ABCB1: variants seen among roughly 807,000 people sequenced by gnomAD.
ABCB1 encodes the protein ATP-dependent translocase ABCB1.
In ABCB1, 69 loss-of-function variants were observed where a neutral mutation model predicts 142.0. That is an observed-to-expected ratio of 0.49 (90% CI 0.40 to 0.59). The LOEUF is 0.59. Among genes scored for constraint, ABCB1 ranks in the 20% least tolerant of loss-of-function variants. The pLI is 0.00. For missense variants in ABCB1, 1,326 were observed against 1,554.7 expected, an observed-to-expected ratio of 0.85 and a Z score of 2.47; for synonymous variants, 532 against 539.2, an observed-to-expected ratio of 0.99 and a Z score of 0.18.
In ABCB1 at chr7:87,550,314, A is replaced by G. The variant is rs761557788; in HGVS notation, c.1225-18T>C. ...TTCAAGATCTACCAGGACGAGTGAGAAAAAAACTTCAAGGCAATTCACAGA... is the reference window on the plus strand; with the variant it reads ...TTCAAGATCTACCAGGACGAGTGAGGAAAAAACTTCAAGGCAATTCACAGA... On this transcript the variant is annotated intron_variant, in intron 11 of 27. Transcript: ENST00000622132. 1.9e-6 allele frequency: 3 copies of G among 1,613,508 alleles called. No homozygotes were observed. In the South Asian group the frequency reaches 3.3e-5, roughly 18 times the overall value.
rs190321239 is a variant in ABCB1 at position 87,605,937 on chromosome 7, G to T, written c.-330-4859C>A. 2.2e-3 allele frequency among the ~76,000 whole-genome samples: 340 copies of T among 151,808 alleles called. 1 individual carries two copies. Among genetic ancestry groups the T allele is most frequent in the Non-Finnish European group, 4.0e-3 (272 of 67,884 alleles). On this transcript the variant is annotated intron_variant, in intron 1 of 28. Coordinates refer to the ABCB1 transcript ENST00000265724. ...GTGATGACTGGAAAGGGCTAGTAAT[G>T]GACATTGAAAATAAATAATAATATG...
rs1014733764 is a variant in ABCB1 at position 87,503,227 on chromosome 7, A to T, written c.*1016T>A. ...TATTTTTAGAAGTTGCTTATTTAAG[A>T]TAGCAATTGTTTATAGTAAATATAG... On this transcript the variant is annotated 3_prime_UTR_variant, in exon 28 of 28. Coordinates refer to ENST00000622132, the MANE Select transcript of ABCB1 (RefSeq NM_001348946.2). Among the ~76,000 whole-genome samples the T allele has an allele frequency of 7.9e-5, 12 of 151,826 alleles. No homozygotes were observed. The highest frequency in any genetic ancestry group is 2.9e-4 in the African/African-American group (12 of 41,446).
At chr7:87,602,507 T>G (rs565853459), upstream of ABCB1, among the ~76,000 whole-genome samples, 1 of 152,206 alleles carries the variant, frequency 6.6e-6, no homozygotes, top group East Asian at 1.9e-4. Context: ...TGATCTCTGT[T>G]TTCACTTTTG....
intron 1 of ABCB1, among the ~76,000 whole-genome samples, chr7:87,660,905 A>G (rs1824636109): frequency 6.6e-6 from 1 of 151,980 alleles, no homozygotes. Context: ...ATTGAGTTAT[A>G]GTCAGAATTT....
chr7:87,705,810 C>T (rs993678561), intron 1 of ABCB1, among the ~76,000 whole-genome samples: 1 of 152,162 alleles, frequency 6.6e-6, no homozygotes, highest in Non-Finnish European at 1.5e-5. Context: ...CTGAAAAAAA[C>T]CACTCCCAAT....
intron 2 of ABCB1, among the ~76,000 whole-genome samples, chr7:87,599,118 A>G (rs1206348347): frequency 6.6e-6 from 1 of 152,162 alleles, no homozygotes; most frequent in Non-Finnish European, 1.5e-5. Context: ...TCTTACACTG[A>G]AAAGCTTGGT....
At position 87,585,615 on chromosome 7, in the gene ABCB1, A is replaced by G. The variant is rs1364263330; in HGVS notation, c.183T>C (p.His61=). Reference sequence around the variant, plus strand: ...GCATCATGAGAGGAAGTCCAGCCCCATGGATGATGGCAGCCAAAGTTCCCA... The same window carrying G: ...GCATCATGAGAGGAAGTCCAGCCCCGTGGATGATGGCAGCCAAAGTTCCCA... The part of the protein sequence containing the change: ...MVVGTLAAII[H]GAGLPLMMLV... Residue 61 remains histidine (H), a synonymous_variant, in exon 4 of 28, where the codon CAT becomes CAC. Transcript: ENST00000622132. 3.7e-6 allele frequency: 6 copies of G among 1,613,950 alleles called. No individual in the cohort carries two copies. Among genetic ancestry groups the G allele is most frequent in the Non-Finnish European group, 3.4e-6 (4 of 1,179,934 alleles).
At chr7:87,693,975 A>G in intron 1 of ABCB1, 1 of 1,611,040 alleles carries the variant, frequency 6.2e-7, no homozygotes, top group Middle Eastern at 1.7e-4. Context: ...TATGCTGGTG[A>G]TGTCTCCCGC....
intron 14 of ABCB1, among the ~76,000 whole-genome samples, chr7:87,548,793 A>G (rs1414500486): frequency 6.6e-6 from 1 of 152,240 alleles, no homozygotes; most frequent in Non-Finnish European, 1.5e-5. Context: ...CCAGAATTGC[A>G]GGACAGTCAA....
In ABCB1 at chr7:87,667,926, G is replaced by C. The variant is rs574852845; in HGVS notation, c.-331+45235C>G. Among the ~76,000 whole-genome samples, 31 of 152,180 alleles carry C rather than the reference G, an allele frequency of 2.0e-4. 1 individual carries two copies. In the South Asian group the frequency reaches 6.4e-3, roughly 32 times the overall value. On this transcript the variant is annotated intron_variant, in intron 1 of 28. Coordinates refer to the ABCB1 transcript ENST00000265724. Reference sequence around the variant, plus strand: ...GGATTTTTGTATTGATGTTCATCAAGGATATCAGCCTGAAATTTTCTTTTT... The same window carrying C: ...GGATTTTTGTATTGATGTTCATCAACGATATCAGCCTGAAATTTTCTTTTT...
chr7:87,630,610 G>C (rs1014139618), intron 1 of ABCB1, among the ~76,000 whole-genome samples: 1 of 151,362 alleles, frequency 6.6e-6, no homozygotes, highest in South Asian at 2.1e-4. Flanking sequence ...TTCTTGGGGG[G>C]TAACATATTT....
chr7:87,710,816 A>G (rs961738205), intron 1 of ABCB1, among the ~76,000 whole-genome samples: 2 of 152,162 alleles, frequency 1.3e-5, no homozygotes, highest in Non-Finnish European at 2.9e-5. Flanking sequence ...AGGAAAATGT[A>G]ATTTGTCAAC....
At chr7:87,539,712 G>A (rs1816448472) in intron 18 of ABCB1, among the ~76,000 whole-genome samples, 1 of 152,164 alleles carries the variant, frequency 6.6e-6, no homozygotes, top group African/African-American at 2.4e-5. Context: ...GAGGAGTTGG[G>A]TGGTCTAACA....
At chr7:87,568,705 T>C (rs908522216) in intron 5 of ABCB1, among the ~76,000 whole-genome samples, 2 of 152,212 alleles carry the variant, frequency 1.3e-5, no homozygotes, top group African/African-American at 4.8e-5. Flanking sequence ...AATGCATTTA[T>C]CAAGGAAGAT....
chr7:87,693,465 T>C (rs905920180), intron 1 of ABCB1, among the ~76,000 whole-genome samples: 1 of 152,218 alleles, frequency 6.6e-6, no homozygotes, highest in Non-Finnish European at 1.5e-5. Flanking sequence ...ATTTTTAAAC[T>C]TGGAAATTTT....
At chr7:87,654,379 C>G (rs1823875698) in intron 1 of ABCB1, among the ~76,000 whole-genome samples, 1 of 152,008 alleles carries the variant, frequency 6.6e-6, no homozygotes, top group African/African-American at 2.4e-5. Context: ...AGCATAAAAA[C>G]AGACAAATAA....
intron 1 of ABCB1, among the ~76,000 whole-genome samples, chr7:87,618,568 A>G (rs1820111737): frequency 6.6e-6 from 1 of 152,216 alleles, no homozygotes. Context: ...ACATCTCTGT[A>G]GAGAATGTGT....
intron 19 of ABCB1, 152 bp from the exon 20 acceptor site, chr7:87,536,693 T>C: frequency 1.4e-6 from 1 of 718,614 alleles, no homozygotes; most frequent in Non-Finnish European, 2.5e-6. Flanking sequence ...AGAAACTTAA[T>C]ATAAAAACAC....
chr7:87,618,875 C>G (rs1249462324), intron 1 of ABCB1, among the ~76,000 whole-genome samples: 1 of 152,150 alleles, frequency 6.6e-6, no homozygotes, highest in Non-Finnish European at 1.5e-5. Flanking sequence ...CACAGCAACA[C>G]TCAGTCAAAA....
Sources: allele counts gnomAD v4.1 joint callset (sites outside exome capture counted in the v4.1 genomes callset), GRCh38; gene constraint gnomAD v4.1.1; transcripts MANE v1.5; gene names NCBI Gene and HGNC (gene_info 2026-07-23, HGNC 2026-07-21).